The following KLHL31 variants were observed in gnomAD, a reference collection of about 807,000 sequenced individuals.
The protein encoded by KLHL31 is kelch-like protein 31.
KLHL31 carries 32 observed loss-of-function variants against 47.1 expected under a neutral mutation model. The observed-to-expected ratio is 0.68, with a 90% CI of 0.51 to 0.91. KLHL31 has a LOEUF of 0.91. Ranked by LOEUF, KLHL31 falls within the 40% of genes least tolerant of loss-of-function variation. The pLI, the probability that KLHL31 is intolerant of heterozygous loss-of-function variation, is 0.00. For missense variants in KLHL31, 797 were observed against 819.3 expected (o/e 0.97, Z 0.33); for synonymous variants, 330 against 325.1 (o/e 1.01, Z -0.16).
At position 53,654,725 on chromosome 6, in the gene KLHL31, G is replaced by A; in HGVS notation, c.548C>T (p.Ser183Phe). The A allele has an allele frequency of 6.2e-7, 1 of 1,614,130 alleles. No individual in the cohort carries two copies. Among genetic ancestry groups the A allele is most frequent in the Non-Finnish European group, 8.5e-7 (1 of 1,180,032 alleles). The change falls in exon 2 of 3, where the codon TCC becomes TTC. Residue 183 changes from serine (S) to phenylalanine (F), a missense_variant. Ser to Phe is a radical substitution (Grantham distance 155, BLOSUM62 -2). Coordinates refer to ENST00000370905, the MANE Select transcript of KLHL31 (RefSeq NM_001003760.5). ...MYVVNIAETY[S>F]LKNAKAAAQK... ...GGCTGCTGCTTTTGCATTTTTTAGG[G>A]AGTATGTTTCAGCAATATTAACAAC...
At chr6:53,657,070 C>T (rs1407713781) in intron 1 of KLHL31, among the ~76,000 whole-genome samples, 2 of 151,786 alleles carry the variant, frequency 1.3e-5, no homozygotes, top group East Asian at 3.9e-4. Flanking sequence ...ATAGCTGGGG[C>T]TACAGGTGCA....
At chr6:53,660,915 C>G (rs1037554595) in intron 1 of KLHL31, among the ~76,000 whole-genome samples, 4 of 152,216 alleles carry the variant, frequency 2.6e-5, no homozygotes, top group Admixed American at 2.6e-4. Flanking sequence ...TTCTTTAGAG[C>G]TACCATGATA....
rs1179115890 is a variant in KLHL31 at position 53,650,117 on chromosome 6, C to A, written c.*1481G>T. On this transcript the variant is annotated 3_prime_UTR_variant, in exon 3 of 3. Coordinates refer to ENST00000370905, the MANE Select transcript of KLHL31 (RefSeq NM_001003760.5). ...GTGGAGAGGATGAGATTAACAAAAA[C>A]CAAATTATATTTCCATATATCTCAT... The A allele has an allele frequency of 6.6e-6, 1 of 152,126 alleles. No individual in the cohort carries two copies. The highest frequency in any genetic ancestry group is 1.9e-4 in the East Asian group (1 of 5,204). The allele number at this position is 152,126 out of a possible 1,614,324, so 9.4% of individuals were successfully genotyped here.
At position 53,651,719 on chromosome 6, in the gene KLHL31, G is replaced by T. The variant is rs779622806; in HGVS notation, c.1784C>A (p.Thr595Lys). 1.3e-5 allele frequency: 21 copies of T among 1,614,170 alleles called. No homozygotes were observed. The highest frequency in any genetic ancestry group is 1.8e-5 in the Non-Finnish European group (21 of 1,180,038). Reference protein sequence around the residue: ...QCFSPELNEWTEDDELPEATV... With the variant: ...QCFSPELNEWKEDDELPEATV... Reference sequence around the variant, plus strand: ...GGCCTCGGGTAGCTCGTCGTCCTCCGTCCACTCGTTGAGCTCGGGGCTGAA... The same window carrying T: ...GGCCTCGGGTAGCTCGTCGTCCTCCTTCCACTCGTTGAGCTCGGGGCTGAA... The change falls in exon 3 of 3, where the codon ACG (threonine) becomes AAG (lysine). Residue 595 changes from threonine to lysine, a missense_variant. Transcript: ENST00000370905.
chr6:53,660,052 C>T (rs1442462600), intron 1 of KLHL31, among the ~76,000 whole-genome samples: 1 of 152,162 alleles, frequency 6.6e-6, no homozygotes, highest in Non-Finnish European at 1.5e-5. Flanking sequence ...GATACATTAG[C>T]TAGTCTGACA....
At chr6:53,657,707 T>C (rs1392975589) in intron 1 of KLHL31, among the ~76,000 whole-genome samples, 1 of 151,746 alleles carries the variant, frequency 6.6e-6, no homozygotes, top group Admixed American at 6.6e-5. Context: ...GCTTTGGCTC[T>C]CCTTGAAGGG....
intron 2 of KLHL31, among the ~76,000 whole-genome samples, chr6:53,652,990 T>C (rs1764499386): frequency 6.6e-6 from 1 of 152,032 alleles, no homozygotes; most frequent in African/African-American, 2.4e-5. Flanking sequence ...ACTCTTCTAT[T>C]TTCCAGCACT....
Position 53,651,941 on chromosome 6 carries a change from C to T in KLHL31, c.1562G>A (p.Ser521Asn). Residue 521 changes from serine (S) to asparagine (N), a missense_variant, in exon 3 of 3, where the codon AGC (serine) becomes AAC (asparagine). Transcript: ENST00000370905. ...LSDRVYVMGG[S>N]QLGPRGERVD... ...GCGCTCCCCGCGCGGCCCCAGCTGG[C>T]TGCCGCCCATCACGTACACTCTGTC... 1 of 1,590,620 alleles carries T rather than the reference C, an allele frequency of 6.3e-7. No individual in the cohort carries two copies. Among genetic ancestry groups the T allele is most frequent in the Non-Finnish European group, 8.5e-7 (1 of 1,174,942 alleles).
At chr6:53,664,962 C>G (rs1764698116) in intron 1 of KLHL31, among the ~76,000 whole-genome samples, 1 of 151,948 alleles carries the variant, frequency 6.6e-6, no homozygotes, top group Non-Finnish European at 1.5e-5. Flanking sequence ...ACACTTCCAA[C>G]ATGATTTTTA....
At chr6:53,662,313 G>A (rs549294296) in intron 1 of KLHL31, among the ~76,000 whole-genome samples, 18 of 152,290 alleles carry the variant, frequency 1.2e-4, no homozygotes, top group East Asian at 9.7e-4. Flanking sequence ...ACAAGCTTCC[G>A]CCAGGACTGT....
chr6:53,663,256 C>A (rs914394945), intron 1 of KLHL31, among the ~76,000 whole-genome samples: 1 of 152,124 alleles, frequency 6.6e-6, no homozygotes. Flanking sequence ...AGAGACAGTG[C>A]AAGGTATAGC....
intron 1 of KLHL31, among the ~76,000 whole-genome samples, chr6:53,655,955 T>C (rs1764555587): frequency 6.6e-6 from 1 of 152,208 alleles, no homozygotes; most frequent in African/African-American, 2.4e-5. Flanking sequence ...AAATATCATT[T>C]AAAGGGCTTA....
Position 53,655,111 on chromosome 6 carries a change from A to T in KLHL31, c.162T>A (p.Ser54=). ...SCISSELTDA[S]YGPNLLEGLS... is the part of the protein sequence containing the mutation. ...AACCTTCCAAGAGGTTGGGGCCATA[A>T]GAAGCATCTGTTAGTTCAGAAGAAA... Residue 54 remains serine, a synonymous_variant, in exon 2 of 3, where the codon TCT becomes TCA. Coordinates refer to ENST00000370905, the MANE Select transcript of KLHL31 (RefSeq NM_001003760.5). 1 of 1,614,196 alleles carries T rather than the reference A, an allele frequency of 6.2e-7. No homozygotes were observed. The highest frequency in any genetic ancestry group is 8.5e-7 in the Non-Finnish European group (1 of 1,180,036).
intron 1 of KLHL31, among the ~76,000 whole-genome samples, chr6:53,659,737 G>A (rs1377317574): frequency 6.6e-6 from 1 of 152,158 alleles, no homozygotes; most frequent in Non-Finnish European, 1.5e-5. Context: ...GAGGTTGGAT[G>A]CCAGGAAGGC....
rs1381815732 is a variant in KLHL31 at position 53,665,607 on chromosome 6, TGGG to T, written c.-43_-41del. ...TCTGGTCCCAGCTCCTTACCCTCCT[TGGG>T]TGAAGTGGCAGGTCAACTTGAGATG... On this transcript the variant is annotated 5_prime_UTR_variant, in exon 1 of 3. Transcript: ENST00000370905. 1 of 152,312 alleles carries T rather than the reference TGGG, an allele frequency of 6.6e-6. No homozygotes were observed. The highest frequency in any genetic ancestry group is 1.5e-5 in the Non-Finnish European group (1 of 68,114). 9.4% of individuals were successfully genotyped at this position (152,312 alleles called of 1,614,324 possible). A position where few individuals can be genotyped will look rare whatever the true frequency, so the allele number is the denominator to read the frequency against.
intron 1 of KLHL31, among the ~76,000 whole-genome samples, chr6:53,662,776 C>A (rs1487780670): frequency 6.6e-6 from 1 of 152,196 alleles, no homozygotes; most frequent in Non-Finnish European, 1.5e-5. Context: ...AGCAGCTGGG[C>A]AGAATTACGT....
intron 1 of KLHL31, among the ~76,000 whole-genome samples, chr6:53,657,655 T>TGTGTGTGTGTGTGTGTG (rs70980858): frequency 6.8e-6 from 1 of 147,130 alleles, no homozygotes; most frequent in South Asian, 2.2e-4. Context: ...TGTGTGTGTG[T>TGTGTGTGTGTGTGTGTG]TTTAAATCCC....
Position 53,650,286 on chromosome 6 carries a change from C to T in KLHL31, c.*1312G>A, listed in dbSNP as rs1054240795. On this transcript the variant is annotated 3_prime_UTR_variant, in exon 3 of 3. Coordinates refer to ENST00000370905, the MANE Select transcript of KLHL31 (RefSeq NM_001003760.5). ...AAAAAAGGAAAATATGTATCATTTACTACAGTCATTCCCTTTCCCCAAAAC... is the reference window on the plus strand; with the variant it reads ...AAAAAAGGAAAATATGTATCATTTATTACAGTCATTCCCTTTCCCCAAAAC... 3.9e-5 allele frequency: 6 copies of T among 152,184 alleles called. No homozygotes were observed. The highest frequency in any genetic ancestry group is 1.4e-4 in the African/African-American group (6 of 41,464). 9.4% of individuals were successfully genotyped at this position (152,184 alleles called of 1,614,324 possible).
chr6:53,664,080 T>A (rs1354855394), intron 1 of KLHL31, among the ~76,000 whole-genome samples: 1 of 152,230 alleles, frequency 6.6e-6, no homozygotes, highest in Non-Finnish European at 1.5e-5. Context: ...CTACTCATTA[T>A]CAGATAGGGA....
Sources: gnomAD v4.1 joint callset for allele counts (sites outside exome capture counted in the v4.1 genomes callset) on GRCh38, gnomAD v4.1.1 for gene constraint, MANE v1.5 for transcripts, NCBI Gene and HGNC (gene_info 2026-07-23, HGNC 2026-07-21) for gene names.